The following YARS1 variants were observed in gnomAD, a reference collection of about 807,000 sequenced individuals.
The protein encoded by YARS1 is tyrosyl-tRNA synthetase 1, also known as tyrosine--tRNA ligase, cytoplasmic.
In YARS1, 36 loss-of-function variants were observed where a neutral mutation model predicts 62.2. That is an observed-to-expected ratio of 0.58 (90% CI 0.44 to 0.76). YARS1 has a LOEUF of 0.76. Ranked by LOEUF, YARS1 falls within the 30% of genes least tolerant of loss-of-function variation. The probability of loss-of-function intolerance (pLI) is 0.00; values close to 1 mark genes in which losing one functional copy is unlikely to be tolerated. For missense variants in YARS1, 524 were observed against 639.8 expected, an observed-to-expected ratio of 0.82 and a Z score of 1.95; for synonymous variants, 234 against 244.9, an observed-to-expected ratio of 0.96 and a Z score of 0.42.
chr1:32,816,254 G>A (rs895723481), intron 1 of YARS1, among the ~76,000 whole-genome samples: 1 of 152,224 alleles, frequency 6.6e-6, no homozygotes, highest in Non-Finnish European at 1.5e-5. Flanking sequence ...CAGGCTGTGT[G>A]GCCCAACTGA....
chr1:32,800,317 A>T (rs1417490891), intron 4 of YARS1, among the ~76,000 whole-genome samples: 3 of 152,048 alleles, frequency 2.0e-5, no homozygotes, highest in Admixed American at 6.6e-5. Context: ...CTTTGAGGTG[A>T]CAAGGGAAAA....
intron 1 of YARS1, 154 bp from the exon 2 acceptor site, chr1:32,811,211 C>T: frequency 8.7e-7 from 1 of 1,145,626 alleles, no homozygotes; most frequent in South Asian, 1.2e-5. Context: ...GATGTGATAC[C>T]CTACCTTGTT....
intron 6 of YARS1, among the ~76,000 whole-genome samples, chr1:32,790,295 T>G (rs1429571376): frequency 7.0e-6 from 1 of 142,558 alleles, no homozygotes; most frequent in African/African-American, 2.6e-5. Context: ...GATCACGAGG[T>G]CAGGAGATCG....
intron 6 of YARS1, among the ~76,000 whole-genome samples, chr1:32,788,460 T>C (rs1653309597): frequency 6.6e-6 from 1 of 152,048 alleles, no homozygotes; most frequent in Admixed American, 6.6e-5. Flanking sequence ...GAGACAGTTT[T>C]GCTTTTGTTG....
At position 32,775,856 on chromosome 1, in the gene YARS1, G is replaced by C. The variant is rs190556254; in HGVS notation, c.*125C>G. The C allele has an allele frequency of 5.5e-6, 5 of 903,412 alleles. No individual in the cohort carries two copies. Among genetic ancestry groups the C allele is most frequent in the African/African-American group, 3.3e-5 (2 of 60,664 alleles). 56.0% of individuals were successfully genotyped at this position (903,412 alleles called of 1,614,324 possible). On this transcript the variant is annotated 3_prime_UTR_variant, in exon 13 of 13. Transcript: ENST00000373477. ...GCTGCCCCTTGCCGAGTTCTGCACC[G>C]AATAAAGAGTCCAAACCCGCTGCTT...
chr1:32,813,438 C>G (rs1638630041), intron 1 of YARS1, among the ~76,000 whole-genome samples: 1 of 152,196 alleles, frequency 6.6e-6, no homozygotes, highest in Non-Finnish European at 1.5e-5. Context: ...CCTGCCTCAG[C>G]TTCCAGAGTA....
At chr1:32,789,195 T>A (rs539924751) in intron 6 of YARS1, among the ~76,000 whole-genome samples, 57 of 152,362 alleles carry the variant, frequency 3.7e-4, no homozygotes, top group Admixed American at 1.2e-3. Flanking sequence ...AACTCCAAAC[T>A]GTTAGATTCT....
Position 32,775,891 on chromosome 1 carries a change from G to T in YARS1, c.*90C>A. Reference sequence around the variant, plus strand: ...TCCAAACCCGCTGCTTCCGTGTCCTGAGAGATGGGTAAATGGGTGATGGAT... The same window carrying T: ...TCCAAACCCGCTGCTTCCGTGTCCTTAGAGATGGGTAAATGGGTGATGGAT... On this transcript the variant is annotated 3_prime_UTR_variant, in exon 13 of 13. Transcript: ENST00000373477. 8.1e-7 allele frequency: 1 copy of T among 1,237,586 alleles called. No individual in the cohort carries two copies. Among genetic ancestry groups the T allele is most frequent in the Non-Finnish European group, 1.2e-6 (1 of 846,084 alleles). 76.7% of individuals were successfully genotyped at this position (1,237,586 alleles called of 1,614,324 possible). A position where few individuals can be genotyped will look rare whatever the true frequency, so the allele number is the denominator to read the frequency against.
In YARS1 at chr1:32,776,107, AAG is replaced by A. The variant is rs780648145; in HGVS notation, c.1477-18_1477-17del. ...TGAAGTCAGCCTGGACAAGACAGAT[AAG>A]AGAGATTTTAATGATGGTGGTGGGA... On this transcript the variant is annotated splice_polypyrimidine_tract_variant and intron_variant, in intron 12 of 12. Coordinates refer to ENST00000373477, the MANE Select transcript of YARS1 (RefSeq NM_003680.4). The surrounding 1 kb of genome is among the most constrained non-coding windows in gnomAD (Gnocchi z 4.0). 3.1e-6 allele frequency: 5 copies of A among 1,603,854 alleles called. No individual in the cohort carries two copies. The South Asian group carries it at 3.3e-5, about 11-fold the overall frequency.
chr1:32,806,335 A>ACC (rs1638465631), intron 4 of YARS1, 147 bp downstream of exon 4: 6 of 1,254,152 alleles, frequency 4.8e-6, no homozygotes, highest in Non-Finnish European at 6.8e-6. Context: ...GTGCTGGTGG[A>ACC]CTTGCTGTAC....
intron 5 of YARS1, among the ~76,000 whole-genome samples, chr1:32,793,703 A>T (rs1569737675): frequency 1.3e-5 from 2 of 152,354 alleles, no homozygotes; most frequent in East Asian, 3.9e-4. Flanking sequence ...AAAAAATCTT[A>T]AAAGCAGAGA....
At chr1:32,778,889 C>T (rs1474359137) in intron 12 of YARS1, among the ~76,000 whole-genome samples, 2 of 151,864 alleles carry the variant, frequency 1.3e-5, no homozygotes, top group Non-Finnish European at 1.5e-5. Flanking sequence ...CAGGCGCCCA[C>T]GACCACGCCT....
intron 1 of YARS1, among the ~76,000 whole-genome samples, chr1:32,815,240 T>C (rs1320148323): frequency 7.9e-5 from 12 of 152,032 alleles, no homozygotes; most frequent in African/African-American, 2.7e-4. Flanking sequence ...TCCCAGCTAC[T>C]CAGGAGGCTG....
chr1:32,814,898 T>C (rs982453917), intron 1 of YARS1, among the ~76,000 whole-genome samples: 1 of 152,224 alleles, frequency 6.6e-6, no homozygotes, highest in East Asian at 1.9e-4. Flanking sequence ...GAAACCATGA[T>C]AGACTGCTGG....
chr1:32,815,716 G>A (rs759998454), intron 1 of YARS1, among the ~76,000 whole-genome samples: 2 of 152,212 alleles, frequency 1.3e-5, no homozygotes, highest in Non-Finnish European at 2.9e-5. Context: ...CCCAGAATAC[G>A]CAAATACCTG....
chr1:32,808,392 T>A (rs956375290), intron 3 of YARS1, among the ~76,000 whole-genome samples: 8 of 151,908 alleles, frequency 5.3e-5, no homozygotes, highest in African/African-American at 1.9e-4. Flanking sequence ...CTAATTTTTG[T>A]ATTTTTAGTA....
In YARS1 at chr1:32,781,042, G is replaced by A. The variant is rs1653037113; in HGVS notation, c.1140+6C>T. ...GCCTCTCTGAGATGTGGTGAAAAAT[G>A]AGTACCTTCTCCACAGTGATGATTT... On this transcript the variant is annotated splice_donor_region_variant and intron_variant, in intron 10 of 12. Transcript: ENST00000373477. 2.5e-6 allele frequency: 4 copies of A among 1,613,470 alleles called. No individual in the cohort carries two copies. The highest frequency in any genetic ancestry group is 1.7e-5 in the Admixed American group (1 of 59,998).
In YARS1 at chr1:32,780,270, A is replaced by G. The variant is rs772261295; in HGVS notation, c.1149T>C (p.Asp383=). 5 of 1,614,136 alleles carry G rather than the reference A, an allele frequency of 3.1e-6. No individual in the cohort carries two copies. The highest frequency in any genetic ancestry group is 3.3e-5 in the Admixed American group (2 of 60,020). The change falls in exon 11 of 13, where the codon GAT becomes GAC. Residue 383 remains aspartate (D), a synonymous_variant. Transcript: ENST00000373477. ...GKIITVEKHP[D]ADSLYVEKID... ...TCTTCTCTACATACAGGCTGTCTGC[A>G]TCTGGGTGCTGCCAGGGAGAGACGT...
At chr1:32,805,921 C>T (rs575986468) in intron 4 of YARS1, among the ~76,000 whole-genome samples, 2 of 152,274 alleles carry the variant, frequency 1.3e-5, no homozygotes, top group African/African-American at 4.8e-5. Flanking sequence ...GAGATTTCGC[C>T]ACTGCACTCC....
Sources: allele counts gnomAD v4.1 joint callset (sites outside exome capture counted in the v4.1 genomes callset), GRCh38; gene constraint gnomAD v4.1.1; non-coding constraint Gnocchi (gnomAD v3.1); transcripts MANE v1.5; gene names NCBI Gene and HGNC (gene_info 2026-07-23, HGNC 2026-07-21).